KHDRBS2: variants seen among roughly 807,000 people sequenced by gnomAD.
KHDRBS2 encodes KH RNA binding domain containing, signal transduction associated 2.
A neutral mutation model predicts 44.3 loss-of-function variants in KHDRBS2; 26 were observed. That is an observed-to-expected ratio of 0.59 (90% CI 0.43 to 0.81). The LOEUF is 0.81. Ranked by LOEUF, KHDRBS2 falls within the 40% of genes least tolerant of loss-of-function variation. The probability of loss-of-function intolerance (pLI) is 0.00; values close to 1 mark genes in which losing one functional copy is unlikely to be tolerated. For missense variants in KHDRBS2, 476 were observed against 433.1 expected (o/e 1.10, Z -0.88); for synonymous variants, 194 against 151.1 (o/e 1.28, Z -2.08).
At chr6:61,595,232 G>T in the KHDRBS2 span, among the ~76,000 whole-genome samples, 11 of 152,182 alleles carry the variant, frequency 7.2e-5, no homozygotes, top group Middle Eastern at 6.8e-3. Flanking sequence ...TCTATAAAAA[G>T]AAAGGAAATT....
the KHDRBS2 span, among the ~76,000 whole-genome samples, chr6:61,567,783 C>A: frequency 6.6e-6 from 1 of 152,020 alleles, no homozygotes; most frequent in Non-Finnish European, 1.5e-5. Context: ...TTTTCTACCT[C>A]TTTCTTTCTT....
At chr6:62,105,109 T>A (rs1436124412) in intron 2 of KHDRBS2, among the ~76,000 whole-genome samples, 2 of 152,142 alleles carry the variant, frequency 1.3e-5, no homozygotes, top group Non-Finnish European at 2.9e-5. Flanking sequence ...TGTACAGTCC[T>A]ATATCATTAA....
the KHDRBS2 span, among the ~76,000 whole-genome samples, chr6:61,618,641 A>T: frequency 1.5e-3 from 223 of 152,272 alleles, 3 homozygotes; most frequent in African/African-American, 5.2e-3. Flanking sequence ...ACACTCTGAT[A>T]GGCCCCGTTG....
At chr6:62,109,633 A>T (rs892724913) in intron 2 of KHDRBS2, among the ~76,000 whole-genome samples, 1 of 152,024 alleles carries the variant, frequency 6.6e-6, no homozygotes, top group African/African-American at 2.4e-5. Context: ...AGTGGCAATG[A>T]ACAATTGAAA....
At chr6:61,718,615 T>C (rs1432542315) in intron 7 of KHDRBS2, among the ~76,000 whole-genome samples, 1 of 152,100 alleles carries the variant, frequency 6.6e-6, no homozygotes, top group Non-Finnish European at 1.5e-5. Flanking sequence ...GGTAGGAGAC[T>C]GGCAGGAGAA....
chr6:61,768,734 C>A (rs1780376697), intron 6 of KHDRBS2, among the ~76,000 whole-genome samples: 1 of 152,054 alleles, frequency 6.6e-6, no homozygotes, highest in African/African-American at 2.4e-5. Context: ...GTAGTGTCAA[C>A]TATTCAAGAC....
At chr6:61,678,638 T>A (rs1156232280), downstream of KHDRBS2, among the ~76,000 whole-genome samples, 1 of 151,930 alleles carries the variant, frequency 6.6e-6, no homozygotes, top group Non-Finnish European at 1.5e-5. Flanking sequence ...GAAGATTAAC[T>A]ACTAATTCAC....
the KHDRBS2 span, among the ~76,000 whole-genome samples, chr6:61,601,131 AC>A: frequency 6.6e-6 from 1 of 152,004 alleles, no homozygotes; most frequent in African/African-American, 2.4e-5. Context: ...TTGGCTGCTC[AC>A]CCACATTGCA....
At chr6:61,882,895 T>C (rs1214259771) in intron 6 of KHDRBS2, among the ~76,000 whole-genome samples, 1 of 151,946 alleles carries the variant, frequency 6.6e-6, no homozygotes, top group Non-Finnish European at 1.5e-5. Flanking sequence ...GCCAGAAAAT[T>C]ATAAGGGTGG....
intron 7 of KHDRBS2, among the ~76,000 whole-genome samples, chr6:61,719,030 C>T (rs1419228908): frequency 6.6e-6 from 1 of 152,164 alleles, no homozygotes; most frequent in Admixed American, 6.5e-5. Flanking sequence ...TAATCTACAT[C>T]TGTATCTATA....
At chr6:61,768,839 T>G (rs1780396200) in intron 6 of KHDRBS2, among the ~76,000 whole-genome samples, 1 of 152,104 alleles carries the variant, frequency 6.6e-6, no homozygotes, top group Non-Finnish European at 1.5e-5. Flanking sequence ...AAGTGCTTTT[T>G]TGTGTAAACA....
At chr6:62,113,473 G>GA (rs1285273419) in intron 2 of KHDRBS2, among the ~76,000 whole-genome samples, 1 of 152,050 alleles carries the variant, frequency 6.6e-6, no homozygotes, top group Non-Finnish European at 1.5e-5. Context: ...ATGAGGTACA[G>GA]AAAAATAAAA....
chr6:62,060,052 T>C (rs1302127426), intron 2 of KHDRBS2, among the ~76,000 whole-genome samples: 1 of 151,742 alleles, frequency 6.6e-6, no homozygotes, highest in Non-Finnish European at 1.5e-5. Context: ...TAAGCTAAGA[T>C]GTATGAGAAG....
chr6:62,239,365 G>C (rs1443246241), intron 1 of KHDRBS2, among the ~76,000 whole-genome samples: 1 of 152,090 alleles, frequency 6.6e-6, no homozygotes, highest in Non-Finnish European at 1.5e-5. Flanking sequence ...TTGAGGTCAG[G>C]AGTCCAAGAC....
rs536973897 is a variant in KHDRBS2, at chr6:62,282,314, T to A, written c.91+3544A>T. 4.6e-5 allele frequency among the ~76,000 whole-genome samples: 7 copies of A among 152,284 alleles called. No individual in the cohort carries two copies. The East Asian group carries it at 1.4e-3, about 29-fold the overall frequency. On this transcript the variant is annotated intron_variant, in intron 1 of 8. Transcript: ENST00000281156. Reference sequence around the variant, plus strand: ...GGCAGGTCAAACTTTTTACTAAAGTTTGAAAATAGCGCCTACAGTTTTTTG... The same window carrying A: ...GGCAGGTCAAACTTTTTACTAAAGTATGAAAATAGCGCCTACAGTTTTTTG...
At chr6:62,071,883 C>T (rs1795200723) in intron 2 of KHDRBS2, among the ~76,000 whole-genome samples, 2 of 152,086 alleles carry the variant, frequency 1.3e-5, no homozygotes, top group Middle Eastern at 3.2e-3. Context: ...TGAAGAAAGT[C>T]ATTGGTAGCT....
intron 7 of KHDRBS2, among the ~76,000 whole-genome samples, chr6:61,701,185 C>T (rs1200206177): frequency 6.6e-6 from 1 of 151,910 alleles, no homozygotes; most frequent in Admixed American, 6.6e-5. Context: ...CAAAGCCCAA[C>T]TATTGGTGAT....
chr6:61,791,958 T>C (rs1562190384), intron 6 of KHDRBS2, among the ~76,000 whole-genome samples: 1 of 151,568 alleles, frequency 6.6e-6, no homozygotes, highest in African/African-American at 2.4e-5. Context: ...TTTTTTGATT[T>C]GTCCTTCATG....
the KHDRBS2 span, among the ~76,000 whole-genome samples, chr6:61,578,251 T>C: frequency 2.0e-3 from 302 of 152,274 alleles, 5 homozygotes; most frequent in East Asian, 0.046. Context: ...TACTGGCACA[T>C]TGCATCAACA....
Sources: allele counts gnomAD v4.1 joint callset (sites outside exome capture counted in the v4.1 genomes callset), GRCh38; gene constraint gnomAD v4.1.1; transcripts MANE v1.5; gene names NCBI Gene and HGNC (gene_info 2026-07-23, HGNC 2026-07-21).